Variants in DNMT3B observed in about 807,000 individuals in gnomAD.
The protein encoded by DNMT3B is DNA (cytosine-5)-methyltransferase 3B.
In DNMT3B, 37 loss-of-function variants were observed where a neutral mutation model predicts 120.2. That is an observed-to-expected ratio of 0.31 (90% confidence interval 0.24 to 0.40). The LOEUF is 0.40. DNMT3B is among the 10% of genes least tolerant of loss of function. The pLI, the probability that DNMT3B is intolerant of heterozygous loss-of-function variation, is 1.00. For synonymous variants in DNMT3B, 412 were observed against 442.8 expected, an observed-to-expected ratio of 0.93 and a Z score of 0.87; for missense variants, 878 against 1,137.3, an observed-to-expected ratio of 0.77 and a Z score of 3.28.
Position 32,795,473 on chromosome 20 carries a change from G to C in DNMT3B, c.1191G>C (p.Lys397Asn). The part of the protein sequence containing the change: ...SATSDYCPAP[K>N]RLKTNCYNNG... ...CCTCTGACTACTGCCCCGCACCCAA[G>C]CGCCTCAAGACAAATTGCTATAACA... is the stretch of plus-strand genomic sequence containing the variant. Residue 397 changes from lysine to asparagine, a missense_variant, in exon 11 of 23, where the codon AAG (lysine) becomes AAC (asparagine). Around this residue, in one of 4 missense-constraint regions of DNMT3B, gnomAD observed 207 missense variants for 222.6 expected, o/e 0.93. Coordinates refer to ENST00000328111, the MANE Select transcript of DNMT3B (RefSeq NM_006892.4). The C allele has an allele frequency of 1.9e-6, 3 of 1,614,188 alleles. No homozygotes were observed. The highest frequency in any genetic ancestry group is 2.5e-6 in the Non-Finnish European group (3 of 1,180,044).
rs1987967462 is a variant in DNMT3B, at chr20:32,774,582, G to A, written c.-6-5736G>A. 2.1e-5 allele frequency among the ~76,000 whole-genome samples: 3 copies of A among 145,072 alleles called. No individual in the cohort carries two copies. The Admixed American group carries it at 2.2e-4, about 11-fold the overall frequency. ...TGTTGCATGGGTTTATTACTTACTG[G>A]TGGGGATTGGGCTTCTGGTGTATCC... On this transcript the variant is annotated intron_variant, in intron 1 of 22. Coordinates refer to ENST00000328111, the MANE Select transcript of DNMT3B (RefSeq NM_006892.4).
At chr20:32,779,171 G>A (rs1285378583) in intron 1 of DNMT3B, among the ~76,000 whole-genome samples, 1 of 152,178 alleles carries the variant, frequency 6.6e-6, no homozygotes, top group African/African-American at 2.4e-5. Context: ...TTCAGGGATG[G>A]GGGCCTGGAG....
chr20:32,784,204 A>G (rs1032329803), intron 3 of DNMT3B, among the ~76,000 whole-genome samples: 10 of 152,024 alleles, frequency 6.6e-5, no homozygotes, highest in African/African-American at 2.4e-4. Flanking sequence ...CGCCTGGCCT[A>G]ATTTTTGTAT....
At chr20:32,802,672 T>TA (rs11482544) in intron 20 of DNMT3B, among the ~76,000 whole-genome samples, 1,776 of 152,292 alleles carry the variant, frequency 0.012, 34 homozygotes, top group African/African-American at 0.041. Context: ...GTCCCACTCT[T>TA]ACCTGTTGTA....
At chr20:32,771,876 C>T (rs539146257) in intron 1 of DNMT3B, among the ~76,000 whole-genome samples, 2 of 152,130 alleles carry the variant, frequency 1.3e-5, no homozygotes, top group Admixed American at 6.6e-5. Context: ...CTCAGACAGG[C>T]GAGTTATGTT....
intron 1 of DNMT3B, among the ~76,000 whole-genome samples, chr20:32,763,990 C>T (rs547681171): frequency 2.0e-5 from 3 of 152,318 alleles, no homozygotes; most frequent in Non-Finnish European, 2.9e-5. Context: ...GTTCACCCAC[C>T]TTGGAAACGC....
At chr20:32,771,120 T>C (rs1949134019) in intron 1 of DNMT3B, among the ~76,000 whole-genome samples, 1 of 152,218 alleles carries the variant, frequency 6.6e-6, no homozygotes, top group Admixed American at 6.5e-5. Flanking sequence ...ATACATAGTG[T>C]GCAAGGACAT....
chr20:32,781,762 G>A (rs555396246), intron 3 of DNMT3B, among the ~76,000 whole-genome samples: 1 of 152,354 alleles, frequency 6.6e-6, no homozygotes, highest in East Asian at 1.9e-4. Flanking sequence ...GTAGCATGAT[G>A]GAATCTTGCA....
chr20:32,808,907 G>A lies in DNMT3B; in HGVS notation c.*1004G>A. ...ACTCAGAGGCAGTGACAGCAGTCAGGGACAGACATACATTTCTCATACCTT... is the reference window on the plus strand; with the variant it reads ...ACTCAGAGGCAGTGACAGCAGTCAGAGACAGACATACATTTCTCATACCTT... On this transcript the variant is annotated 3_prime_UTR_variant, in exon 23 of 23. Transcript: ENST00000328111. The A allele has an allele frequency of 4.5e-6, 1 of 222,820 alleles. No homozygotes were observed. Among genetic ancestry groups the A allele is most frequent in the Non-Finnish European group, 9.0e-6 (1 of 111,550 alleles). 13.8% of individuals were successfully genotyped at this position (222,820 alleles called of 1,614,324 possible).
At chr20:32,783,795 G>A (rs961343242) in intron 3 of DNMT3B, among the ~76,000 whole-genome samples, 7 of 152,118 alleles carry the variant, frequency 4.6e-5, no homozygotes, top group African/African-American at 1.4e-4. Flanking sequence ...GCACGATCTC[G>A]GCTCACTGCA....
intron 2 of DNMT3B, 69 bp downstream of exon 2, chr20:32,780,534 G>C: frequency 6.3e-7 from 1 of 1,583,042 alleles, no homozygotes; most frequent in Non-Finnish European, 8.5e-7. Flanking sequence ...CAGACAACTG[G>C]AGGCTTTGGG....
chr20:32,784,516 G>A (rs147716288), intron 3 of DNMT3B, among the ~76,000 whole-genome samples: 255 of 152,252 alleles, frequency 1.7e-3, no homozygotes, highest in African/African-American at 5.6e-3. Context: ...GCTGGGTTTT[G>A]GTGTGAGGTG....
rs1409673913 is a variant in DNMT3B at position 32,797,225 on chromosome 20, T to C, written c.1416T>C (p.Asp472=). 5 of 1,614,078 alleles carry C rather than the reference T, an allele frequency of 3.1e-6. No homozygotes were observed. The South Asian group carries it at 3.3e-5, about 11-fold the overall frequency. ...AGCTGTTTTACATGTATGATGACGATGGCTATCAGTCTTACTGCACTGTGT... is the reference window on the plus strand; with the variant it reads ...AGCTGTTTTACATGTATGATGACGACGGCTATCAGTCTTACTGCACTGTGT... ...FLELFYMYDD[D]GYQSYCTVCC... Residue 472 remains aspartate (D), a synonymous_variant, in exon 14 of 23, where the codon GAT becomes GAC. Coordinates refer to ENST00000328111, the MANE Select transcript of DNMT3B (RefSeq NM_006892.4).
chr20:32,800,380 G>GC lies in DNMT3B; in HGVS notation c.1905+86dup, dbSNP rs976023424. On this transcript the variant is annotated intron_variant, in intron 17 of 22. Coordinates refer to ENST00000328111, the MANE Select transcript of DNMT3B (RefSeq NM_006892.4). ...TCCACACCCTGAAACCCACATGTAG[G>GC]CCCCATCCCTGAGACCCCAGAAAAA... 58 of 1,587,832 alleles carry GC rather than the reference G, an allele frequency of 3.7e-5. No homozygotes were observed. In the African/African-American group the frequency reaches 7.3e-4, roughly 20 times the overall value.
intron 20 of DNMT3B, among the ~76,000 whole-genome samples, chr20:32,802,897 G>T (rs1163705395): frequency 6.6e-6 from 1 of 152,188 alleles, no homozygotes; most frequent in African/African-American, 2.4e-5. Flanking sequence ...CCTCCTTCCT[G>T]CCAGGGATCT....
chr20:32,803,035 G>A (rs1438255832), intron 20 of DNMT3B, among the ~76,000 whole-genome samples: 3 of 152,140 alleles, frequency 2.0e-5, no homozygotes, highest in African/African-American at 7.2e-5. Context: ...GAGATGAAGC[G>A]ATCTTGGCCA....
chr20:32,774,344 G>A (rs1276090926), intron 1 of DNMT3B, among the ~76,000 whole-genome samples: 3 of 151,746 alleles, frequency 2.0e-5, no homozygotes, highest in East Asian at 1.9e-4. Flanking sequence ...GGAGTAGCTG[G>A]GACTACAGGT....
intron 1 of DNMT3B, among the ~76,000 whole-genome samples, chr20:32,776,918 G>A (rs1252645356): frequency 6.6e-6 from 1 of 151,022 alleles, no homozygotes; most frequent in Non-Finnish European, 1.5e-5. Context: ...GATTGTCTTG[G>A]CCTGCGTGTA....
rs1987029322 is a variant in DNMT3B at position 32,762,589 on chromosome 20, G to A, written c.-117G>A. 1 of 337,160 alleles carries A rather than the reference G, an allele frequency of 3.0e-6. No individual in the cohort carries two copies. The highest frequency in any genetic ancestry group is 2.2e-5 in the South Asian group (1 of 45,864). The allele number at this position is 337,160 out of a possible 1,614,324, so 20.9% of individuals were successfully genotyped here. ...AAGTAAACCTAGCTCGGCGATCGGC[G>A]CCGGAGATTCGCGAGCCCAGCGCCC... On this transcript the variant is annotated 5_prime_UTR_variant, in exon 1 of 23. Transcript: ENST00000328111.
Sources: allele counts gnomAD v4.1 joint callset (sites outside exome capture counted in the v4.1 genomes callset), GRCh38; gene constraint gnomAD v4.1.1; regional missense constraint gnomAD v4.1.1; transcripts MANE v1.5; gene names NCBI Gene and HGNC (gene_info 2026-07-23, HGNC 2026-07-21).